CADM1: variants seen among roughly 807,000 people sequenced by gnomAD.
CADM1 encodes cell adhesion molecule 1.
CADM1 carries 15 observed loss-of-function variants against 53.1 expected under a neutral mutation model. The observed-to-expected ratio is 0.28, with a 90% CI of 0.19 to 0.44. CADM1 has a LOEUF of 0.44. Among genes scored for constraint, CADM1 ranks in the 20% least tolerant of loss-of-function variants. CADM1 has a pLI of 1.00. For missense variants in CADM1, 434 were observed against 611.3 expected (o/e 0.71, Z 3.06); for synonymous variants, 281 against 243.0 (o/e 1.16, Z -1.45).
intron 1 of CADM1, among the ~76,000 whole-genome samples, chr11:115,259,398 C>T (rs1216462181): frequency 2.4e-4 from 34 of 144,214 alleles, no homozygotes; most frequent in Admixed American, 2.3e-3. Flanking sequence ...CTCTGCCTCC[C>T]AGGTTTAAGT....
chr11:115,279,778 CA>C lies in CADM1; in HGVS notation c.125-39359del, dbSNP rs544473179. ...ATATATGTAATTTTTCACACATACCCAAATATATTAAGCGCAGATCTTGCCA... is the reference window on the plus strand; with the variant it reads ...ATATATGTAATTTTTCACACATACCCAATATATTAAGCGCAGATCTTGCCA... On this transcript the variant is annotated intron_variant, in intron 1 of 11. Coordinates refer to ENST00000331581, the MANE Select transcript of CADM1 (RefSeq NM_001301043.2). Among the ~76,000 whole-genome samples the C allele has an allele frequency of 2.7e-4, 41 of 152,238 alleles. No homozygotes were observed. In the East Asian group the frequency reaches 7.3e-3, roughly 27 times the overall value.
chr11:115,358,284 A>G (rs1277081074), intron 1 of CADM1, among the ~76,000 whole-genome samples: 1 of 152,102 alleles, frequency 6.6e-6, no homozygotes, highest in African/African-American at 2.4e-5. Context: ...GTATTAGCCC[A>G]TTTTCACGCT....
intron 1 of CADM1, among the ~76,000 whole-genome samples, chr11:115,456,346 T>A (rs1464922004): frequency 2.0e-5 from 3 of 151,358 alleles, no homozygotes; most frequent in Admixed American, 1.3e-4. Flanking sequence ...AATTAGGAGG[T>A]AACATTTAGA....
intron 1 of CADM1, among the ~76,000 whole-genome samples, chr11:115,282,703 G>A (rs1289710440): frequency 6.6e-6 from 1 of 152,100 alleles, no homozygotes; most frequent in African/African-American, 2.4e-5. Flanking sequence ...CTGCATTTTG[G>A]GTTTCTGGTC....
intron 1 of CADM1, among the ~76,000 whole-genome samples, chr11:115,322,132 G>A (rs1944839495): frequency 6.6e-6 from 1 of 152,174 alleles, no homozygotes; most frequent in African/African-American, 2.4e-5. Context: ...GAGGACAGAA[G>A]CTTCAATTCG....
chr11:115,349,377 A>C (rs1359632757), intron 1 of CADM1, among the ~76,000 whole-genome samples: 2 of 152,264 alleles, frequency 1.3e-5, no homozygotes, highest in African/African-American at 2.4e-5. Flanking sequence ...TGCATAAAAT[A>C]GTAAGATTTG....
chr11:115,229,053 T>C, intron 5 of CADM1, 60 bp downstream of exon 5: 1 of 1,531,136 alleles, frequency 6.5e-7, no homozygotes, highest in Non-Finnish European at 9.0e-7. Context: ...AAATGGCTTC[T>C]GAAGAGTTTC....
chr11:115,410,737 T>C (rs2135244429), intron 1 of CADM1, among the ~76,000 whole-genome samples: 1 of 152,346 alleles, frequency 6.6e-6, no homozygotes, highest in Non-Finnish European at 1.5e-5. Context: ...GAGTTTAACA[T>C]GGAGCTTAAC....
chr11:115,312,576 T>C (rs572031590), intron 1 of CADM1, among the ~76,000 whole-genome samples: 1 of 152,054 alleles, frequency 6.6e-6, no homozygotes, highest in Non-Finnish European at 1.5e-5. Flanking sequence ...CAAGGAAGAG[T>C]ATATTTAAAA....
At chr11:115,260,829 C>A (rs1012389085) in intron 1 of CADM1, among the ~76,000 whole-genome samples, 2 of 134,912 alleles carry the variant, frequency 1.5e-5, no homozygotes, top group Non-Finnish European at 3.0e-5. Flanking sequence ...CCTGCCACCA[C>A]CCCCGGCTAA....
rs11358670 is a variant in CADM1, at chr11:115,502,327, C to CTTTT, written c.124+1940_124+1943dup. 9.9e-4 allele frequency among the ~76,000 whole-genome samples: 52 copies of CTTTT among 52,382 alleles called. 3 individuals carry two copies. The highest frequency in any genetic ancestry group is 3.0e-3 in the African/African-American group (37 of 12,448). 34.4% of individuals were successfully genotyped at this position (52,382 alleles called of 152,430 possible). A position where few individuals can be genotyped will look rare whatever the true frequency, so the allele number is the denominator to read the frequency against. ...ACCACAGCTTTCCACCGCCCCCCGGCTTTTTTTTTTTTTTTTTTTTTTTTT... is the reference window on the plus strand; with the variant it reads ...ACCACAGCTTTCCACCGCCCCCCGGCTTTTTTTTTTTTTTTTTTTTTTTTTTTTT... On this transcript the variant is annotated intron_variant, in intron 1 of 11. Coordinates refer to ENST00000331581, the MANE Select transcript of CADM1 (RefSeq NM_001301043.2).
intron 1 of CADM1, among the ~76,000 whole-genome samples, chr11:115,401,500 C>T (rs1947153217): frequency 6.6e-6 from 1 of 152,138 alleles, no homozygotes; most frequent in Non-Finnish European, 1.5e-5. Flanking sequence ...CCCAGCTACA[C>T]AGGAGGCTGA....
At chr11:115,385,858 T>C (rs1248391981) in intron 1 of CADM1, among the ~76,000 whole-genome samples, 1 of 152,198 alleles carries the variant, frequency 6.6e-6, no homozygotes, top group Non-Finnish European at 1.5e-5. Context: ...CTGACCAGTA[T>C]AAAAAATAGA....
chr11:115,216,413 T>G (rs559222482), intron 6 of CADM1, among the ~76,000 whole-genome samples: 1 of 152,338 alleles, frequency 6.6e-6, no homozygotes, highest in East Asian at 1.9e-4. Flanking sequence ...AGCCATAGAC[T>G]GTAACTGTGG....
At chr11:115,257,093 C>G (rs1290909107) in intron 1 of CADM1, among the ~76,000 whole-genome samples, 1 of 152,100 alleles carries the variant, frequency 6.6e-6, no homozygotes, top group Non-Finnish European at 1.5e-5. Flanking sequence ...TTTATTACGA[C>G]TACTTTTCAT....
chr11:115,190,866 T>G, intron 10 of CADM1, 22 bp downstream of exon 10: 1 of 1,587,686 alleles, frequency 6.3e-7, no homozygotes, highest in South Asian at 1.1e-5. Flanking sequence ...CTGCAGTGCC[T>G]TACCTAATGA....
At chr11:115,258,836 A>G (rs962951067) in intron 1 of CADM1, among the ~76,000 whole-genome samples, 9 of 152,314 alleles carry the variant, frequency 5.9e-5, no homozygotes, top group African/African-American at 2.2e-4. Flanking sequence ...GAAGAGTCCT[A>G]CTTTAGGGGA....
intron 8 of CADM1, 65 bp from the exon 9 acceptor site, chr11:115,198,503 GA>G: frequency 1.6e-6 from 2 of 1,272,536 alleles, no homozygotes; most frequent in Non-Finnish European, 2.2e-6. Context: ...CAAAAAAAGG[GA>G]AAATGGAAAA....
intron 1 of CADM1, among the ~76,000 whole-genome samples, chr11:115,408,060 C>T (rs560922505): frequency 1.3e-5 from 2 of 151,740 alleles, no homozygotes; most frequent in South Asian, 4.2e-4. Context: ...GGCTCAGAAA[C>T]TAAATGACAA....
Sources: gnomAD v4.1 joint callset for allele counts (sites outside exome capture counted in the v4.1 genomes callset) on GRCh38, gnomAD v4.1.1 for gene constraint, MANE v1.5 for transcripts, NCBI Gene and HGNC (gene_info 2026-07-23, HGNC 2026-07-21) for gene names.